The following MYOCD variants were observed in gnomAD, a reference collection of about 807,000 sequenced individuals.
The protein encoded by MYOCD is myocardin.
In MYOCD, 32 loss-of-function variants were observed where a neutral mutation model predicts 96.1. The observed-to-expected ratio is 0.33, with a 90% CI of 0.25 to 0.45. The LOEUF (loss-of-function observed/expected upper bound fraction) is 0.45, where lower values mean the gene tolerates loss of function less well. Among genes scored for constraint, MYOCD ranks in the 20% least tolerant of loss-of-function variants. MYOCD has a pLI of 1.00. For synonymous variants in MYOCD, 469 were observed against 469.0 expected (o/e 1.00, Z 0.00); for missense variants, 1,133 against 1,200.6 (o/e 0.94, Z 0.83).
chr17:12,744,113 C>T (rs537701724), intron 7 of MYOCD, 70 bp from the exon 8 acceptor site: 45 of 1,552,008 alleles, frequency 2.9e-5, no homozygotes, highest in African/African-American at 1.1e-4. Flanking sequence ...TGCCTCACAA[C>T]GTGTCCATGA....
intron 1 of MYOCD, among the ~76,000 whole-genome samples, chr17:12,699,034 G>T (rs547367925): frequency 6.6e-6 from 1 of 151,800 alleles, no homozygotes; most frequent in Non-Finnish European, 1.5e-5. Flanking sequence ...GAGCCACCGC[G>T]CCCGGCCCCA....
chr17:12,729,871 GGGC>G (rs2032113663), intron 5 of MYOCD, among the ~76,000 whole-genome samples: 2 of 152,170 alleles, frequency 1.3e-5, no homozygotes, highest in African/African-American at 2.4e-5. Flanking sequence ...GAGCAACGCA[GGGC>G]AGGTATTTAC....
chr17:12,716,828 T>C (rs1261715877), intron 3 of MYOCD, among the ~76,000 whole-genome samples: 3 of 151,286 alleles, frequency 2.0e-5, no homozygotes, highest in East Asian at 2.0e-4. Context: ...AAATTAAAAA[T>C]TAAAGAAAAA....
intron 5 of MYOCD, among the ~76,000 whole-genome samples, chr17:12,731,101 C>A (rs1187557142): frequency 6.6e-6 from 1 of 152,174 alleles, no homozygotes; most frequent in African/African-American, 2.4e-5. Flanking sequence ...GTCATCACAG[C>A]CCCGACGCGT....
chr17:12,735,919 C>T (rs916373898), intron 5 of MYOCD, among the ~76,000 whole-genome samples: 2 of 152,030 alleles, frequency 1.3e-5, no homozygotes, highest in East Asian at 1.9e-4. Flanking sequence ...AATGCAGAAA[C>T]GTGAAAATAA....
intron 1 of MYOCD, among the ~76,000 whole-genome samples, chr17:12,696,140 T>A (rs2030738021): frequency 6.7e-6 from 1 of 150,086 alleles, no homozygotes; most frequent in Non-Finnish European, 1.5e-5. Flanking sequence ...CACTGCAACC[T>A]CCACCTCCTA....
At chr17:12,762,954 G>T in intron 13 of MYOCD, 119 bp from the exon 14 acceptor site, 1 of 756,636 alleles carries the variant, frequency 1.3e-6, no homozygotes, top group African/African-American at 1.7e-5. Context: ...ATGAGACTGG[G>T]TGGTGAGCGG....
chr17:12,719,377 CATAAT>C (rs1248339813), intron 4 of MYOCD, among the ~76,000 whole-genome samples: 1 of 151,692 alleles, frequency 6.6e-6, no homozygotes, highest in Non-Finnish European at 1.5e-5. Flanking sequence ...CCCTTTAGCT[CATAAT>C]ATAATGTCTA....
intron 9 of MYOCD, among the ~76,000 whole-genome samples, chr17:12,749,881 G>A (rs931050662): frequency 4.6e-5 from 7 of 151,782 alleles, no homozygotes; most frequent in Non-Finnish European, 1.0e-4. Flanking sequence ...ACGGAGGCTC[G>A]CTCTGTCGCC....
intron 5 of MYOCD, among the ~76,000 whole-genome samples, chr17:12,728,294 C>T (rs887507536): frequency 5.9e-5 from 9 of 152,132 alleles, no homozygotes; most frequent in South Asian, 4.2e-4. Context: ...TTAGCTCCCA[C>T]GAAAGTCGTA....
chr17:12,694,558 T>C (rs2030644133), intron 1 of MYOCD, among the ~76,000 whole-genome samples: 2 of 152,130 alleles, frequency 1.3e-5, no homozygotes, highest in Non-Finnish European at 2.9e-5. Context: ...CAGCCAGGCC[T>C]CCAGCTTCAG....
At chr17:12,761,283 G>A (rs559480073) in intron 13 of MYOCD, 1 of 152,448 alleles carries the variant, frequency 6.6e-6, no homozygotes, top group South Asian at 2.1e-4. Flanking sequence ...TAAGGAGCAT[G>A]TGTAGATCAA....
Position 12,768,890 on chromosome 17 carries a change from T to TTC in MYOCD, c.*5247_*5248insCT, listed in dbSNP as rs2033409646. 1.3e-5 allele frequency: 2 copies of TTC among 148,916 alleles called. No homozygotes were observed. The highest frequency in any genetic ancestry group is 5.0e-5 in the African/African-American group (2 of 39,926). The allele number at this position is 148,916 out of a possible 1,614,324, so 9.2% of individuals were successfully genotyped here. On this transcript the variant is annotated 3_prime_UTR_variant, in exon 14 of 14. Transcript: ENST00000425538. The stretch of plus-strand genomic sequence containing the variant: ...AAATACCAAAGTTGGCATGTGTTCT[T>TTC]TTTTAAAAAAAAAAAAAAATGCATA...
At chr17:12,744,077 A>T (rs1190603980) in intron 7 of MYOCD, 106 bp from the exon 8 acceptor site, 1 of 1,333,096 alleles carries the variant, frequency 7.5e-7, no homozygotes, top group Non-Finnish European at 1.0e-6. Context: ...TATTTCTGAG[A>T]TCCAAGAATG....
At chr17:12,753,496 T>C in intron 10 of MYOCD, 150 bp downstream of exon 10, 1 of 746,370 alleles carries the variant, frequency 1.3e-6, no homozygotes, top group Non-Finnish European at 2.1e-6. Flanking sequence ...AATCCTTGAA[T>C]CCTCATGGTA....
chr17:12,733,309 C>CA (rs10650455), intron 5 of MYOCD, among the ~76,000 whole-genome samples: 12,017 of 134,812 alleles, frequency 0.089, 635 homozygotes, highest in Middle Eastern at 0.15. Context: ...GACTCCATCT[C>CA]AAAAAAAAAA....
At chr17:12,748,352 T>C (rs2032733915) in intron 9 of MYOCD, among the ~76,000 whole-genome samples, 2 of 152,086 alleles carry the variant, frequency 1.3e-5, no homozygotes, top group Non-Finnish European at 2.9e-5. Context: ...GACCAAATTA[T>C]TTGGATGAAA....
chr17:12,763,655 G>A lies in MYOCD; in HGVS notation c.*11G>A. On this transcript the variant is annotated 3_prime_UTR_variant, in exon 14 of 14. Coordinates refer to ENST00000425538, the MANE Select transcript of MYOCD (RefSeq NM_001146312.3). ...TTGCAGCAGTGGTAGAATGCCCAAT[G>A]CACCAGTGCTATGGAAGACCAATGG... 1 of 1,598,232 alleles carries A rather than the reference G, an allele frequency of 6.3e-7. No homozygotes were observed. The highest frequency in any genetic ancestry group is 2.2e-5 in the East Asian group (1 of 44,842).
At chr17:12,709,861 TCC>T (rs2031427986) in intron 2 of MYOCD, among the ~76,000 whole-genome samples, 3 of 152,162 alleles carry the variant, frequency 2.0e-5, no homozygotes, top group African/African-American at 7.2e-5. Flanking sequence ...GCAATTCTTC[TCC>T]CTGGGTATCA....
Sources: gnomAD v4.1 joint callset for allele counts (sites outside exome capture counted in the v4.1 genomes callset) on GRCh38, gnomAD v4.1.1 for gene constraint, MANE v1.5 for transcripts, NCBI Gene and HGNC (gene_info 2026-07-23, HGNC 2026-07-21) for gene names.